The following FSIP2 variants were observed in gnomAD, a reference collection of about 807,000 sequenced individuals.
FSIP2 encodes fibrous sheath-interacting protein 2.
Under a neutral mutation model 510.5 loss-of-function variants are expected in FSIP2, and 367 were observed. That is an observed-to-expected ratio of 0.72 (90% CI 0.66 to 0.78). The LOEUF (loss-of-function observed/expected upper bound fraction) is 0.78. FSIP2 is among the 30% of genes least tolerant of loss of function. The pLI is 0.00. For synonymous variants in FSIP2, 2,601 were observed against 2,732.2 expected, an observed-to-expected ratio of 0.95 and a Z score of 1.50; for missense variants, 7,594 against 7,901.7, an observed-to-expected ratio of 0.96 and a Z score of 1.48.
chr2:185,832,256 T>G (rs920401731), intron 22 of FSIP2, among the ~76,000 whole-genome samples: 1 of 151,884 alleles, frequency 6.6e-6, no homozygotes, highest in Non-Finnish European at 1.5e-5. Flanking sequence ...AACATCATCA[T>G]TGTCTACACA....
chr2:185,788,990 A>ATT lies in FSIP2; in HGVS notation c.1854_1855insTT (p.Gly619LeufsTer5), dbSNP rs1255090769. The ATT allele has an allele frequency of 2.6e-6, 4 of 1,534,282 alleles. No homozygotes were observed. Among genetic ancestry groups the ATT allele is most frequent in the African/African-American group, 1.4e-5 (1 of 72,932 alleles). On this transcript the variant is annotated frameshift_variant, in exon 16 of 23. Coordinates refer to ENST00000424728, the MANE Select transcript of FSIP2 (RefSeq NM_173651.4). LOFTEE classifies it high-confidence loss of function. ...TTGTGGGGAAAACATGTCACATAAA[A>ATT]GGACAATCTATAATCTCTAAACATA...
rs1217871810 is a variant in FSIP2 at position 185,788,731 on chromosome 2, C to T, written c.1595C>T (p.Thr532Ile). 6.5e-7 allele frequency: 1 copy of T among 1,533,742 alleles called. No homozygotes were observed. The highest frequency in any genetic ancestry group is 2.4e-5 in the East Asian group (1 of 40,854). Residue 532 changes from threonine (T) to isoleucine (I), a missense_variant, in exon 16 of 23, where the codon ACA becomes ATA. Transcript: ENST00000424728. ...ACCAGTATATTGTACCCAGCCATCA[C>T]AAAGTATGAAAAAAGATTGCAAAAT... is the stretch of plus-strand genomic sequence containing the variant. Reference protein sequence around the residue: ...TVTSILYPAITKYEKRLQNNT... With the variant: ...TVTSILYPAIIKYEKRLQNNT...
At chr2:185,774,682 T>C (rs1197843178) in intron 13 of FSIP2, among the ~76,000 whole-genome samples, 5 of 142,514 alleles carry the variant, frequency 3.5e-5, no homozygotes, top group Non-Finnish European at 6.1e-5. Flanking sequence ...CTGCACCCAC[T>C]AACTCGTCAT....
Position 185,806,956 on chromosome 2 carries a change from A to T in FSIP2, c.17650A>T (p.Ile5884Leu). ...TTDEAPSSIK[I>L]KSADKMPPMH... is the part of the protein sequence containing the mutation. ...AGATGAAGCACCATCCAGCATTAAGATAAAATCTGCAGATAAAATGCCACC... is the reference window on the plus strand; with the variant it reads ...AGATGAAGCACCATCCAGCATTAAGTTAAAATCTGCAGATAAAATGCCACC... The change falls in exon 17 of 23, where the codon ATA (isoleucine) becomes TTA (leucine). Residue 5884 changes from isoleucine (I) to leucine (L), a missense_variant. Physicochemically the swap from Ile to Leu is conservative, Grantham distance 5 (BLOSUM62 2). Coordinates refer to ENST00000424728, the MANE Select transcript of FSIP2 (RefSeq NM_173651.4). 6.2e-7 allele frequency: 1 copy of T among 1,611,454 alleles called. No homozygotes were observed.
At position 185,791,101 on chromosome 2, in the gene FSIP2, T is replaced by C. The variant is rs759802157; in HGVS notation, c.3965T>C (p.Ile1322Thr). Reference sequence around the variant, plus strand: ...AAGGAAAACCTAAATCTTAGGGAGATTGACCATACCAAATCCCTTACAGAT... The same window carrying C: ...AAGGAAAACCTAAATCTTAGGGAGACTGACCATACCAAATCCCTTACAGAT... Reference protein sequence around the residue: ...LHKENLNLREIDHTKSLTDKG... With the variant: ...LHKENLNLRETDHTKSLTDKG... The change falls in exon 16 of 23, where the codon ATT becomes ACT. Residue 1322 changes from isoleucine to threonine, a missense_variant. Physicochemically the swap from Ile to Thr is moderately conservative, Grantham distance 89. Coordinates refer to ENST00000424728, the MANE Select transcript of FSIP2 (RefSeq NM_173651.4). 8.5e-6 allele frequency: 13 copies of C among 1,532,084 alleles called. No individual in the cohort carries two copies. The highest frequency in any genetic ancestry group is 1.7e-4 in the Middle Eastern group (1 of 5,946). 94.9% of individuals were successfully genotyped at this position (1,532,084 alleles called of 1,614,324 possible).
chr2:185,824,360 G>T, intron 19 of FSIP2, 74 bp from the exon 20 acceptor site: 1 of 954,472 alleles, frequency 1.0e-6, no homozygotes, highest in Non-Finnish European at 1.7e-6. Context: ...GAGAATAACT[G>T]TTCTTTTGCT....
chr2:185,807,638 A>G lies in FSIP2; in HGVS notation c.18332A>G (p.Lys6111Arg). 1 of 1,612,996 alleles carries G rather than the reference A, an allele frequency of 6.2e-7. No homozygotes were observed. Among genetic ancestry groups the G allele is most frequent in the Non-Finnish European group, 8.5e-7 (1 of 1,179,298 alleles). The change falls in exon 17 of 23, where the codon AAA becomes AGA. Residue 6111 changes from lysine to arginine, a missense_variant. Coordinates refer to ENST00000424728, the MANE Select transcript of FSIP2 (RefSeq NM_173651.4). ...CAAAATTGTGTAACCAGTGGATGCA[A>G]AATCCTTTCAGAAAACATAGTTGAC... ...IIQNCVTSGC[K>R]ILSENIVDLV...
Position 185,804,972 on chromosome 2 carries a change from A to G in FSIP2, c.15666A>G (p.Lys5222=), listed in dbSNP as rs987805603. 1 of 1,546,154 alleles carries G rather than the reference A, an allele frequency of 6.5e-7. No individual in the cohort carries two copies. The highest frequency in any genetic ancestry group is 8.7e-7 in the Non-Finnish European group (1 of 1,151,404). The change falls in exon 17 of 23, where the codon AAA becomes AAG. Residue 5222 remains lysine (K), a synonymous_variant. Coordinates refer to ENST00000424728, the MANE Select transcript of FSIP2 (RefSeq NM_173651.4). ...AAAAAGGATGCTCATTCCTCAGTAA[A>G]TTAGCTGGTTTTATTATGAAAGAAA... The part of the protein sequence containing the change: ...ADKKGCSFLS[K]LAGFIMKEIM...
intron 7 of FSIP2, 50 bp downstream of exon 7, chr2:185,747,473 G>C: frequency 1.8e-6 from 2 of 1,118,268 alleles, no homozygotes; most frequent in Non-Finnish European, 2.6e-6. Flanking sequence ...AGAAGATTTT[G>C]TTTTGGTTTT....
intron 9 of FSIP2, among the ~76,000 whole-genome samples, chr2:185,760,297 T>C (rs1348991242): frequency 1.3e-5 from 2 of 150,338 alleles, no homozygotes; most frequent in Non-Finnish European, 3.0e-5. Flanking sequence ...CTGATTGATA[T>C]GTAAAATGGT....
Position 185,802,121 on chromosome 2 carries a change from G to A in FSIP2, c.12815G>A (p.Arg4272Lys). 6.5e-7 allele frequency: 1 copy of A among 1,532,946 alleles called. No individual in the cohort carries two copies. The highest frequency in any genetic ancestry group is 8.7e-7 in the Non-Finnish European group (1 of 1,144,708). The allele number at this position is 1,532,946 out of a possible 1,614,324, so 95.0% of individuals were successfully genotyped here. The change falls in exon 17 of 23, where the codon AGG becomes AAG. Residue 4272 changes from arginine to lysine, a missense_variant. Coordinates refer to ENST00000424728, the MANE Select transcript of FSIP2 (RefSeq NM_173651.4). The part of the protein sequence containing the change: ...FLSGEVLCHP[R>K]TPLDPVSTIV... ...AGTGGAGAGGTTTTATGTCATCCAA[G>A]GACTCCACTGGATCCAGTGTCTACT... is the stretch of plus-strand genomic sequence containing the variant.
In FSIP2 at chr2:185,831,810, C is replaced by T; in HGVS notation, c.20518-3C>T. On this transcript the variant is annotated splice_region_variant and splice_polypyrimidine_tract_variant and intron_variant, in intron 21 of 22. Coordinates refer to ENST00000424728, the MANE Select transcript of FSIP2 (RefSeq NM_173651.4). ...CAGTTTGTATTTCAATTTACCTTGGCAGTTTATCACCATCTTTGAAAGATC... is the reference window on the plus strand; with the variant it reads ...CAGTTTGTATTTCAATTTACCTTGGTAGTTTATCACCATCTTTGAAAGATC... The T allele has an allele frequency of 6.2e-7, 1 of 1,601,588 alleles. No individual in the cohort carries two copies. Among genetic ancestry groups the T allele is most frequent in the Admixed American group, 1.7e-5 (1 of 59,728 alleles).
chr2:185,801,345 T>C lies in FSIP2; in HGVS notation c.12039T>C (p.Asn4013=). Reference sequence around the variant, plus strand: ...AGATGAATACATTATTTGTCAACAATGTAGTGAATGAATTTAATAATGCTC... The same window carrying C: ...AGATGAATACATTATTTGTCAACAACGTAGTGAATGAATTTAATAATGCTC... ...LNEMNTLFVN[N]VVNEFNNAQV... Residue 4013 remains asparagine (N), a synonymous_variant, in exon 17 of 23, where the codon AAT becomes AAC. Coordinates refer to ENST00000424728, the MANE Select transcript of FSIP2 (RefSeq NM_173651.4). 1 of 1,534,094 alleles carries C rather than the reference T, an allele frequency of 6.5e-7. No individual in the cohort carries two copies. Among genetic ancestry groups the C allele is most frequent in the Non-Finnish European group, 8.7e-7 (1 of 1,145,554 alleles).
chr2:185,824,532 T>C (rs772070142), intron 20 of FSIP2, 52 bp downstream of exon 20: 7 of 884,410 alleles, frequency 7.9e-6, no homozygotes, highest in Non-Finnish European at 1.2e-5. Flanking sequence ...CTTTGATGTG[T>C]TTTTTTTTTA....
At chr2:185,757,100 C>G (rs939880509) in intron 9 of FSIP2, among the ~76,000 whole-genome samples, 7 of 151,314 alleles carry the variant, frequency 4.6e-5, no homozygotes, top group Non-Finnish European at 5.9e-5. Context: ...TTATTTACAA[C>G]TGGCAAATTT....
intron 19 of FSIP2, among the ~76,000 whole-genome samples, chr2:185,820,320 G>A (rs1693891417): frequency 6.6e-6 from 1 of 151,832 alleles, no homozygotes; most frequent in Non-Finnish European, 1.5e-5. Context: ...ATGATTGTAA[G>A]TTTCCTGAGG....
At chr2:185,813,418 A>T in intron 17 of FSIP2, 127 bp from the exon 18 acceptor site, 1 of 500,068 alleles carries the variant, frequency 2.0e-6, no homozygotes, top group Non-Finnish European at 3.3e-6. Flanking sequence ...ATATATAATT[A>T]AGTGATATTT....
chr2:185,829,889 G>T (rs955986349), intron 21 of FSIP2, among the ~76,000 whole-genome samples: 10 of 151,888 alleles, frequency 6.6e-5, no homozygotes, highest in Non-Finnish European at 1.3e-4. Flanking sequence ...GAAAATCACA[G>T]AAAGAGGAAC....
chr2:185,756,384 CT>C (rs1559012859), intron 9 of FSIP2, 106 bp downstream of exon 9: 1 of 412,374 alleles, frequency 2.4e-6, no homozygotes, highest in East Asian at 3.4e-5. Context: ...ATCCTGTTTT[CT>C]TTTTATCAAA....
Sources: allele counts gnomAD v4.1 joint callset (sites outside exome capture counted in the v4.1 genomes callset), GRCh38; gene constraint gnomAD v4.1.1; transcripts MANE v1.5; gene names NCBI Gene and HGNC (gene_info 2026-07-23, HGNC 2026-07-21).